Variants in IL7R observed in about 807,000 individuals in gnomAD.
IL7R encodes the protein interleukin 7 receptor, also known as interleukin-7 receptor subunit alpha.
IL7R carries 38 observed loss-of-function variants against 47.0 expected under a neutral mutation model. That is an observed-to-expected ratio of 0.81 (90% confidence interval 0.62 to 1.06). IL7R has a LOEUF of 1.06. Among genes scored for constraint, IL7R ranks in the 50% least tolerant of loss-of-function variants. IL7R has a pLI of 0.00. For missense variants in IL7R, 633 were observed against 534.8 expected (o/e 1.18, Z -1.81); for synonymous variants, 221 against 199.8 (o/e 1.11, Z -0.89).
At chr5:35,863,976 A>T (rs553522995) in intron 2 of IL7R, among the ~76,000 whole-genome samples, 1 of 152,182 alleles carries the variant, frequency 6.6e-6, no homozygotes, top group Admixed American at 6.6e-5. Context: ...ACCTGTAGCC[A>T]TTCCAATGGT....
Position 35,878,154 on chromosome 5 carries a change from C to G in IL7R, c.*1668C>G. The G allele has an allele frequency of 4.3e-6, 1 of 233,258 alleles. No individual in the cohort carries two copies. The highest frequency in any genetic ancestry group is 8.5e-6 in the Non-Finnish European group (1 of 118,060). The allele number at this position is 233,258 out of a possible 1,614,324, so 14.4% of individuals were successfully genotyped here. A position where few individuals can be genotyped will look rare whatever the true frequency, so the allele number is the denominator to read the frequency against. On this transcript the variant is annotated 3_prime_UTR_variant, in exon 8 of 8. Transcript: ENST00000303115. ...GGCTTAAAGGACTGGTAAGATCAGA[C>G]CATCTTATTCTTCAGGTGAATGTTT...
chr5:35,870,409 A>T (rs1466633789), intron 3 of IL7R, among the ~76,000 whole-genome samples: 1 of 152,216 alleles, frequency 6.6e-6, no homozygotes, highest in Non-Finnish European at 1.5e-5. Flanking sequence ...CAGGGCCAGG[A>T]TGCAGACCCT....
At chr5:35,870,937 G>A in intron 3 of IL7R, 119 bp from the exon 4 acceptor site, 2 of 829,630 alleles carry the variant, frequency 2.4e-6, no homozygotes, top group Non-Finnish European at 4.1e-6. Flanking sequence ...TTTCTGAATA[G>A]TTGGCCATTT....
intron 1 of IL7R, among the ~76,000 whole-genome samples, chr5:35,860,593 T>TA (rs1319823583): frequency 6.6e-6 from 1 of 152,214 alleles, no homozygotes; most frequent in Non-Finnish European, 1.5e-5. Context: ...GGAGGTTACT[T>TA]ACTCATTATG....
At position 35,860,355 on chromosome 5, in the gene IL7R, C is replaced by T. The variant is rs80229624; in HGVS notation, c.83-497C>T. On this transcript the variant is annotated intron_variant, in intron 1 of 7. Transcript: ENST00000303115. Reference sequence around the variant, plus strand: ...AAGCAAAATTCTGACTGCAAGATAGCTATCATTGTCCTTCATTTAAGACAA... The same window carrying T: ...AAGCAAAATTCTGACTGCAAGATAGTTATCATTGTCCTTCATTTAAGACAA... Among the ~76,000 whole-genome samples, 206 of 152,136 alleles carry T rather than the reference C, an allele frequency of 1.4e-3. 2 individuals carry two copies. The highest frequency in any genetic ancestry group is 4.7e-3 in the African/African-American group (193 of 41,496).
At position 35,876,126 on chromosome 5, in the gene IL7R, T is replaced by G. The variant is rs138731184; in HGVS notation, c.1020T>G (p.Leu340=). ...TAGAAGAATCTGAGAAGCAGAGGCT[T>G]GGAGGGGATGTGCAGAGCCCCAACT... ...QQLEESEKQR[L]GGDVQSPNCP... Residue 340 remains leucine (L), a synonymous_variant, in exon 8 of 8, where the codon CTT becomes CTG. Transcript: ENST00000303115. 1.7e-4 allele frequency: 269 copies of G among 1,614,172 alleles called. 1 individual carries two copies. The African/African-American group carries it at 3.3e-3, about 20-fold the overall frequency.
chr5:35,860,316 G>T (rs962383737), intron 1 of IL7R, among the ~76,000 whole-genome samples: 3 of 152,108 alleles, frequency 2.0e-5, no homozygotes, highest in African/African-American at 7.2e-5. Context: ...GCAAGGGAAA[G>T]TGACCTCTTA....
intron 1 of IL7R, among the ~76,000 whole-genome samples, chr5:35,860,468 CTCT>C (rs1282752758): frequency 6.6e-6 from 1 of 152,084 alleles, no homozygotes; most frequent in Non-Finnish European, 1.5e-5. Context: ...AATAAAGTGT[CTCT>C]TCTTTGAAAT....
intron 3 of IL7R, among the ~76,000 whole-genome samples, chr5:35,868,213 G>A (rs1296816340): frequency 6.6e-6 from 1 of 152,132 alleles, no homozygotes; most frequent in Non-Finnish European, 1.5e-5. Flanking sequence ...ATCACGGAAG[G>A]CAATCTACTT....
intron 1 of IL7R, among the ~76,000 whole-genome samples, chr5:35,857,718 T>C (rs562401476): frequency 2.0e-5 from 3 of 152,184 alleles, no homozygotes; most frequent in Non-Finnish European, 4.4e-5. Context: ...TAATAATTCT[T>C]TTTGGGATCT....
chr5:35,867,409 GT>G lies in IL7R; in HGVS notation c.326del (p.Val109GlyfsTer8). The G allele has an allele frequency of 6.2e-7, 1 of 1,613,406 alleles. No homozygotes were observed. ...ACTGATTGGAAAGAGCAATATATGT[GT>G]GAAGGTTGGAGAAAAGAGTCTAACC... is the stretch of plus-strand genomic sequence containing the variant. The part of the protein sequence containing the change: ...FLLIGKSNIC[V>X]KVGEKSLTCK... On this transcript the variant is annotated frameshift_variant, in exon 3 of 8. Transcript: ENST00000303115. LOFTEE classifies it high-confidence loss of function.
At chr5:35,867,200 T>C in intron 2 of IL7R, 106 bp from the exon 3 acceptor site, 1 of 1,011,600 alleles carries the variant, frequency 9.9e-7, no homozygotes, top group Non-Finnish European at 1.6e-6. Flanking sequence ...CACATACCTA[T>C]GAACAGAGTT....
In IL7R at chr5:35,867,342, G is replaced by T; in HGVS notation, c.258G>T (p.Arg86Ser). 1.2e-6 allele frequency: 2 copies of T among 1,613,662 alleles called. No individual in the cohort carries two copies. Among genetic ancestry groups the T allele is most frequent in the Non-Finnish European group, 1.7e-6 (2 of 1,179,690 alleles). Residue 86 changes from arginine (R) to serine (S), a missense_variant, in exon 3 of 8, where the codon AGG (arginine) becomes AGT (serine). Arg to Ser is a moderately radical substitution (Grantham distance 110, BLOSUM62 -1). Transcript: ENST00000303115. ...TGGAGGTAAAGTGCCTGAATTTCAG[G>T]AAACTACAAGAGATATATTTCATCG... The part of the protein sequence containing the change: ...ALVEVKCLNF[R>S]KLQEIYFIET...
At position 35,876,267 on chromosome 5, in the gene IL7R, C is replaced by T. The variant is rs139678300; in HGVS notation, c.1161C>T (p.Ser387=). The change falls in exon 8 of 8, where the codon TCC becomes TCT. Residue 387 remains serine, a synonymous_variant. Coordinates refer to ENST00000303115, the MANE Select transcript of IL7R (RefSeq NM_002185.5). The part of the protein sequence containing the change: ...CDAPILSSSR[S]LDCRESGKNG... ...CCCCTATTCTCTCCTCTTCCAGGTC[C>T]CTAGACTGCAGGGAGAGTGGCAAGA... The T allele has an allele frequency of 2.5e-6, 4 of 1,613,994 alleles. No individual in the cohort carries two copies. The highest frequency in any genetic ancestry group is 2.5e-6 in the Non-Finnish European group (3 of 1,180,010).
At chr5:35,860,768 C>G (rs1209558566) in intron 1 of IL7R, 84 bp from the exon 2 acceptor site, 2 of 1,304,422 alleles carry the variant, frequency 1.5e-6, no homozygotes, top group Admixed American at 1.7e-5. Flanking sequence ...GCCACAGAGT[C>G]TGCTATTTTA....
At position 35,878,517 on chromosome 5, in the gene IL7R, T is replaced by G. The variant is rs910256617; in HGVS notation, c.*2031T>G. The G allele has an allele frequency of 3.0e-5, 7 of 232,844 alleles. No individual in the cohort carries two copies. Among genetic ancestry groups the G allele is most frequent in the Admixed American group, 2.3e-4 (4 of 17,772 alleles). 14.4% of individuals were successfully genotyped at this position (232,844 alleles called of 1,614,324 possible). A position where few individuals can be genotyped will look rare whatever the true frequency, so the allele number is the denominator to read the frequency against. On this transcript the variant is annotated 3_prime_UTR_variant, in exon 8 of 8. Coordinates refer to ENST00000303115, the MANE Select transcript of IL7R (RefSeq NM_002185.5). The stretch of plus-strand genomic sequence containing the variant: ...CAGGGCAAATGCCACAAAAATGATG[T>G]AAATTTACATGGAGGAAAAGTAGAA...
chr5:35,870,241 C>T (rs149858789), intron 3 of IL7R, among the ~76,000 whole-genome samples: 2 of 152,302 alleles, frequency 1.3e-5, no homozygotes, highest in African/African-American at 4.8e-5. Flanking sequence ...GAAATAATAC[C>T]AATCTCCCTC....
intron 7 of IL7R, 146 bp from the exon 8 acceptor site, chr5:35,875,837 C>T (rs893005161): frequency 7.3e-6 from 7 of 954,284 alleles, no homozygotes; most frequent in African/African-American, 3.2e-5. Context: ...TCAGAAGCTC[C>T]AGAAGCAAAG....
chr5:35,865,413 T>C (rs1759916559), intron 2 of IL7R, among the ~76,000 whole-genome samples: 1 of 152,224 alleles, frequency 6.6e-6, no homozygotes, highest in African/African-American at 2.4e-5. Flanking sequence ...AGTGCTGCAA[T>C]AATCGTACAT....
Sources: gnomAD v4.1 joint callset for allele counts (sites outside exome capture counted in the v4.1 genomes callset) on GRCh38, gnomAD v4.1.1 for gene constraint, MANE v1.5 for transcripts, NCBI Gene and HGNC (gene_info 2026-07-23, HGNC 2026-07-21) for gene names.